Variants in AGAP3 observed in about 807,000 individuals in gnomAD.
The protein encoded by AGAP3 is arf-GAP with GTPase, ANK repeat and PH domain-containing protein 3.
A neutral mutation model predicts 96.9 loss-of-function variants in AGAP3; 24 were observed. The ratio of observed to expected loss-of-function variants is 0.25; its 90% confidence interval spans 0.18 to 0.35. The LOEUF (loss-of-function observed/expected upper bound fraction) is 0.35, where lower values mean the gene tolerates loss of function less well. AGAP3 is among the 10% of genes least tolerant of loss of function. AGAP3 has a pLI of 1.00. For synonymous variants in AGAP3, 563 were observed against 536.1 expected (o/e 1.05, Z -0.69); for missense variants, 876 against 1,254.2 (o/e 0.70, Z 4.55).
chr7:151,141,392 T>C lies in AGAP3; in HGVS notation c.1805-506T>C. ...TTCCTGCCTGTCTATGCCATGGTAG[T>C]GGGGGAGGGGCCCAGCTCCCAGGAG... is the stretch of plus-strand genomic sequence containing the variant. On this transcript the variant is annotated intron_variant, in intron 13 of 17. Transcript: ENST00000397238. This position sits in a 1 kb window ranked among gnomAD's most constrained non-coding sequence, Gnocchi z 4.2. 5.7e-6 allele frequency: 1 copy of C among 176,538 alleles called. No individual in the cohort carries two copies. The highest frequency in any genetic ancestry group is 1.4e-4 in the South Asian group (1 of 7,100). 10.9% of individuals were successfully genotyped at this position (176,538 alleles called of 1,614,324 possible).
intron 1 of AGAP3, among the ~76,000 whole-genome samples, chr7:151,113,249 TGGGAA>T (rs1430314896): frequency 4.6e-5 from 7 of 152,228 alleles, no homozygotes; most frequent in Non-Finnish European, 8.8e-5. Flanking sequence ...CCTGGGGACC[TGGGAA>T]GGGCCCCTCT....
chr7:151,115,705 CCCAGGGCAGGCGAGCTGCCGCGCGCGT>C (rs1799541842), intron 1 of AGAP3: 1 of 1,019,510 alleles, frequency 9.8e-7, no homozygotes, highest in African/African-American at 1.7e-5. Context: ...GCCGGACGCG[CCCAGGGCAGGCGAGCTGCCGCGCGCGT>C]CCGGGGCTGG....
chr7:151,110,526 G>C (rs1162189957), intron 1 of AGAP3, among the ~76,000 whole-genome samples: 1 of 152,162 alleles, frequency 6.6e-6, no homozygotes, highest in African/African-American at 2.4e-5. Flanking sequence ...ACAGAATAAG[G>C]GGATTGGGTG....
chr7:151,143,888 C>T lies in AGAP3; in HGVS notation c.2681C>T (p.Pro894Leu), dbSNP rs1398537411. ...TTAGCGCCTACCCCCAACAGAGAGC[C>T]TGCCAATGGCACCAACCCCTCTGCT... ...CGLAPTPNREPANGTNPSAEL... is the reference protein window; with the variant it reads ...CGLAPTPNRELANGTNPSAEL... The change falls in exon 18 of 18, where the codon CCT becomes CTT. Residue 894 changes from proline to leucine, a missense_variant. Around this residue, in one of 8 missense-constraint regions of AGAP3, gnomAD observed 213 missense variants for 253.8 expected, o/e 0.84. Coordinates refer to ENST00000397238, the MANE Select transcript of AGAP3 (RefSeq NM_031946.7). This position sits in a 1 kb window ranked among gnomAD's most constrained non-coding sequence, Gnocchi z 5.9. The T allele has an allele frequency of 6.2e-7, 1 of 1,614,070 alleles. No individual in the cohort carries two copies. Among genetic ancestry groups the T allele is most frequent in the South Asian group, 1.1e-5 (1 of 91,088 alleles).
intron 1 of AGAP3, among the ~76,000 whole-genome samples, chr7:151,097,252 C>T (rs1351585650): frequency 2.0e-5 from 3 of 151,722 alleles, no homozygotes; most frequent in Admixed American, 6.6e-5. Flanking sequence ...AAGTTTAGGT[C>T]GGGCACTGTG....
At chr7:151,088,007 A>G (rs912465616) in intron 1 of AGAP3, among the ~76,000 whole-genome samples, 5 of 152,194 alleles carry the variant, frequency 3.3e-5, no homozygotes, top group South Asian at 2.1e-4. Flanking sequence ...TCTGTTTGAA[A>G]GGGGACGCCC....
chr7:151,137,234 C>T (rs1800632096), intron 11 of AGAP3, among the ~76,000 whole-genome samples: 1 of 152,232 alleles, frequency 6.6e-6, no homozygotes. Context: ...TGGGCCTCTG[C>T]CTGCTGTCTC....
In AGAP3 at chr7:151,142,414, C is replaced by G. The variant is rs771812193; in HGVS notation, c.2053C>G (p.Pro685Ala). Residue 685 changes from proline (P) to alanine (A), a missense_variant and splice_region_variant, in exon 16 of 18, where the codon CCA becomes GCA. This residue lies in a region of AGAP3 where 103 missense variants were observed against 183.0 expected (regional missense o/e 0.56). Coordinates refer to ENST00000397238, the MANE Select transcript of AGAP3 (RefSeq NM_031946.7). This position sits in a 1 kb window ranked among gnomAD's most constrained non-coding sequence, Gnocchi z 7.5. ...ATCATTCTCCTCTCCTTGCCTAGAT[C>G]CAGACTGGGCCAGCCTGAACCTGGG... Reference protein sequence around the residue: ...SFCIDCDAPNPDWASLNLGAL... With the variant: ...SFCIDCDAPNADWASLNLGAL... 1.9e-6 allele frequency: 3 copies of G among 1,613,272 alleles called. No homozygotes were observed. In the South Asian group the frequency reaches 3.3e-5, roughly 18 times the overall value.
chr7:151,116,566 C>A, intron 1 of AGAP3: 2 of 564,404 alleles, frequency 3.5e-6, no homozygotes, highest in South Asian at 4.5e-5. Flanking sequence ...ACTGAGCCCA[C>A]AGCCCTCAGA....
intron 1 of AGAP3, chr7:151,090,364 C>G (rs1163047637): frequency 7.2e-6 from 1 of 139,528 alleles, no homozygotes; most frequent in Non-Finnish European, 1.5e-5. Flanking sequence ...GTTTCTCCAT[C>G]GTTTTCCCAC....
chr7:151,104,333 C>A (rs4725993), intron 1 of AGAP3, among the ~76,000 whole-genome samples: 119,815 of 152,132 alleles, frequency 0.79, 47,379 homozygotes, highest in East Asian at 0.98. Context: ...AACTAGCAGA[C>A]ATGTAATTAC....
At position 151,142,068 on chromosome 7, in the gene AGAP3, CTG is replaced by C; in HGVS notation, c.1959+17_1959+18del. 1 of 1,610,484 alleles carries C rather than the reference CTG, an allele frequency of 6.2e-7. No homozygotes were observed. Among genetic ancestry groups the C allele is most frequent in the Non-Finnish European group, 8.5e-7 (1 of 1,177,532 alleles). On this transcript the variant is annotated intron_variant, in intron 14 of 17. Coordinates refer to ENST00000397238, the MANE Select transcript of AGAP3 (RefSeq NM_031946.7). This position sits in a 1 kb window ranked among gnomAD's most constrained non-coding sequence, Gnocchi z 7.5. ...CAAGGACAAGGTGGGTACAGAGTGA[CTG>C]GGCCCACACAGAGCACCTGGCTGGG...
chr7:151,116,837 C>T lies in AGAP3; in HGVS notation c.376C>T (p.Pro126Ser). The T allele has an allele frequency of 6.2e-7, 1 of 1,614,116 alleles. No individual in the cohort carries two copies. The highest frequency in any genetic ancestry group is 1.1e-5 in the South Asian group (1 of 91,088). Residue 126 changes from proline (P) to serine (S), a missense_variant, in exon 2 of 18, where the codon CCG (proline) becomes TCG (serine). Physicochemically the swap from Pro to Ser is moderately conservative, Grantham distance 74. Transcript: ENST00000397238. ...GGAGTGGACGCTGAGCCGCTCCGTACCGGAGCTTAAAGTGGTGAGTGTGGC... is the reference window on the plus strand; with the variant it reads ...GGAGTGGACGCTGAGCCGCTCCGTATCGGAGCTTAAAGTGGTGAGTGTGGC... ...SQEWTLSRSV[P>S]ELKVGIVGNL... is the part of the protein sequence containing the mutation.
intron 1 of AGAP3, among the ~76,000 whole-genome samples, chr7:151,103,866 CCGTGA>C (rs1798930977): frequency 6.6e-6 from 1 of 152,234 alleles, no homozygotes; most frequent in Non-Finnish European, 1.5e-5. Context: ...AGTCCTGGAA[CCGTGA>C]CGTGGGCTGG....
chr7:151,122,797 T>A, intron 8 of AGAP3: 1 of 1,613,784 alleles, frequency 6.2e-7, no homozygotes, highest in Non-Finnish European at 8.5e-7. Flanking sequence ...GAAGACCAGT[T>A]GGTGACACAC....
intron 9 of AGAP3, among the ~76,000 whole-genome samples, chr7:151,127,769 G>A (rs1800237846): frequency 6.6e-6 from 1 of 152,202 alleles, no homozygotes; most frequent in South Asian, 2.1e-4. Flanking sequence ...GGAGGCCACA[G>A]CTGTGGTTGA....
At chr7:151,120,584 AG>A in intron 8 of AGAP3, 2 of 1,273,298 alleles carry the variant, frequency 1.6e-6, no homozygotes, top group Non-Finnish European at 2.1e-6. Context: ...TGGCCCAGCT[AG>A]AGTCAGAGCC....
At chr7:151,092,668 G>T (rs558289009) in intron 1 of AGAP3, among the ~76,000 whole-genome samples, 124 of 152,246 alleles carry the variant, frequency 8.1e-4, no homozygotes, top group African/African-American at 2.9e-3. Flanking sequence ...GTCTTTTTTG[G>T]ATTTGCAAGT....
At chr7:151,098,733 CTTTT>C (rs34617813) in intron 1 of AGAP3, among the ~76,000 whole-genome samples, 1 of 116,110 alleles carries the variant, frequency 8.6e-6, no homozygotes, top group Admixed American at 8.8e-5. Flanking sequence ...ATTTTCTTTT[CTTTT>C]TTTTTTTTTT....
Sources: allele counts gnomAD v4.1 joint callset (sites outside exome capture counted in the v4.1 genomes callset), GRCh38; gene constraint gnomAD v4.1.1; regional missense constraint gnomAD v4.1.1; non-coding constraint Gnocchi (gnomAD v3.1); transcripts MANE v1.5; gene names NCBI Gene and HGNC (gene_info 2026-07-23, HGNC 2026-07-21).